The following SHOX variants were observed in gnomAD, a reference collection of about 807,000 sequenced individuals.
SHOX encodes short stature homeobox protein.
SHOX carries 12 observed loss-of-function variants against 29.6 expected under a neutral mutation model. That is an observed-to-expected ratio of 0.41 (90% CI 0.26 to 0.66). SHOX has a LOEUF of 0.66. Among genes scored for constraint, SHOX ranks in the 30% least tolerant of loss-of-function variants. The probability of loss-of-function intolerance (pLI) is 0.35; values close to 1 mark genes in which losing one functional copy is unlikely to be tolerated. For missense variants in SHOX, 499 were observed against 437.7 expected (o/e 1.14, Z -1.25); for synonymous variants, 214 against 200.6 (o/e 1.07, Z -0.57).
At chrX:632,915 G>T (rs2052676280) in intron 1 of SHOX, among the ~76,000 whole-genome samples, 1 of 152,114 alleles carries the variant, frequency 6.6e-6, no homozygotes, top group African/African-American at 2.4e-5. Flanking sequence ...GTTGTCCTTC[G>T]CAGACACCGT....
At chrX:654,713 T>C (rs28527419), downstream of SHOX, among the ~76,000 whole-genome samples, 15,721 of 151,996 alleles carry the variant, frequency 0.1, 918 homozygotes, top group African/African-American at 0.15. Flanking sequence ...TGAGACAGAG[T>C]CTCGCTCTGT....
At chrX:643,918 G>GGA (rs1205954573) in intron 4 of SHOX, among the ~76,000 whole-genome samples, 5 of 149,666 alleles carry the variant, frequency 3.3e-5, no homozygotes, top group Non-Finnish European at 7.4e-5. Flanking sequence ...AGGTGACCTT[G>GGA]GAGAGGCTTG....
chrX:631,954 C>T (rs1300022795), intron 1 of SHOX: 6 of 455,990 alleles, frequency 1.3e-5, no homozygotes, highest in East Asian at 6.9e-5. Context: ...CCTGCCGGGC[C>T]CCCGGAGATC....
In SHOX at chrX:624,897, TCTTTCTCTCTTC is replaced by T. The variant is rs1399289763; in HGVS notation, c.-433+302_-433+313del. On this transcript the variant is annotated intron_variant, in intron 1 of 5. Coordinates refer to the SHOX transcript ENST00000334060. ...TTCTTTCTTTCTTTCTTTCTTTCTT[TCTTTCTCTCTTC>T]CTTTCTTTCTTTCTTTCTTTCTTTT... Among the ~76,000 whole-genome samples the T allele has an allele frequency of 7.7e-4, 55 of 71,056 alleles. 1 individual carries two copies. The highest frequency in any genetic ancestry group is 4.0e-3 in the African/African-American group (52 of 12,946). The allele number at this position is 71,056 out of a possible 152,430, so 46.6% of individuals were successfully genotyped here.
At chrX:643,606 G>A (rs1409460391) in intron 4 of SHOX, among the ~76,000 whole-genome samples, 1 of 142,492 alleles carries the variant, frequency 7.0e-6, no homozygotes, top group Non-Finnish European at 1.5e-5. Context: ...TTGGGGACCT[G>A]GTGTCCTGGG....
upstream of SHOX, among the ~76,000 whole-genome samples, chrX:626,453 C>A (rs1363693805): frequency 7.7e-6 from 1 of 130,590 alleles, no homozygotes; most frequent in Non-Finnish European, 1.6e-5. Context: ...TTTTCTCTTT[C>A]TCTGTATCTC....
Position 631,190 on chromosome X carries a change from CT to C in SHOX, c.277+17del, listed in dbSNP as rs1379283087. 1 of 1,612,286 alleles carries C rather than the reference CT, an allele frequency of 6.2e-7. No homozygotes were observed. The highest frequency in any genetic ancestry group is 1.7e-5 in the Admixed American group (1 of 60,014). ...GTGGCAGAAGGTAAGTTCCTTTGCG[CT>C]CCGGCTCCAGGGGGGCCCTCCTGGG... On this transcript the variant is annotated intron_variant, in intron 1 of 4. Coordinates refer to ENST00000686671, the MANE Select transcript of SHOX (RefSeq NM_000451.4).
chrX:645,801 G>C lies in SHOX; in HGVS notation c.*1165G>C, dbSNP rs1408861854. 6.6e-6 allele frequency: 1 copy of C among 152,266 alleles called. No homozygotes were observed. The highest frequency in any genetic ancestry group is 1.5e-5 in the Non-Finnish European group (1 of 68,062). 9.4% of individuals were successfully genotyped at this position (152,266 alleles called of 1,614,324 possible). A position where few individuals can be genotyped will look rare whatever the true frequency, so the allele number is the denominator to read the frequency against. On this transcript the variant is annotated 3_prime_UTR_variant, in exon 5 of 5. Transcript: ENST00000686671. ...GGTTGGGAAGCGTAAAAGCCAGGGA[G>C]AGATCCAGAGAGTTTTCAAGTTTTT...
intron 2 of SHOX, among the ~76,000 whole-genome samples, chrX:636,232 T>C (rs1159094439): frequency 6.9e-6 from 1 of 145,926 alleles, no homozygotes; most frequent in Non-Finnish European, 1.5e-5. Context: ...ATATAATATA[T>C]AAATCTATAA....
In SHOX at chrX:650,791, TTAAA is replaced by T. The variant is rs2053043427; in HGVS notation, c.*6156_*6159del. On this transcript the variant is annotated 3_prime_UTR_variant, in exon 5 of 5. Transcript: ENST00000686671. ...AGGCTTTCGGTGGACACGTTTGACA[TTAAA>T]AAAAAAAAAAAAAAAAAAAAAAAAC... Among the ~76,000 whole-genome samples, 1 of 29,878 alleles carries T rather than the reference TTAAA, an allele frequency of 3.3e-5. No homozygotes were observed. Among genetic ancestry groups the T allele is most frequent in the Non-Finnish European group, 7.2e-5 (1 of 13,872 alleles). 19.6% of individuals were successfully genotyped at this position (29,878 alleles called of 152,430 possible). A position where few individuals can be genotyped will look rare whatever the true frequency, so the allele number is the denominator to read the frequency against.
At chrX:643,908 A>T (rs372672615) in intron 4 of SHOX, among the ~76,000 whole-genome samples, 11 of 120,746 alleles carry the variant, frequency 9.1e-5, no homozygotes, top group African/African-American at 1.7e-4. Flanking sequence ...CTTGGGGACC[A>T]GGTGACCTTG....
Position 624,902 on chromosome X carries a change from CTCTCTTCCTTT to C in SHOX, c.-433+301_-433+311del, listed in dbSNP as rs1569491696. On this transcript the variant is annotated intron_variant, in intron 1 of 5. Transcript: ENST00000334060. ...TCTTTCTTTCTTTCTTTCTTTCTTT[CTCTCTTCCTTT>C]CTTTCTTTCTTTCTTTCTTTTCTTT... Among the ~76,000 whole-genome samples, 187 of 55,698 alleles carry C rather than the reference CTCTCTTCCTTT, an allele frequency of 3.4e-3. 5 individuals are homozygous for C. Among genetic ancestry groups the C allele is most frequent in the Middle Eastern group, 0.011 (1 of 92 alleles). 36.5% of individuals were successfully genotyped at this position (55,698 alleles called of 152,430 possible).
downstream of SHOX, among the ~76,000 whole-genome samples, chrX:654,991 G>A (rs1041101297): frequency 2.0e-5 from 3 of 151,894 alleles, no homozygotes; most frequent in African/African-American, 7.2e-5. Flanking sequence ...CCTGGCCCAG[G>A]AGGATTATTT....
rs1455736421 is a variant in SHOX at position 650,916 on chromosome X, T to C, written c.*6280T>C. On this transcript the variant is annotated 3_prime_UTR_variant, in exon 5 of 5. Transcript: ENST00000686671. The stretch of plus-strand genomic sequence containing the variant: ...GTTGATGCCATTTATAAATGTTTTA[T>C]TGAAATTTGATATTTAATGAGAAGC... 6.6e-6 allele frequency among the ~76,000 whole-genome samples: 1 copy of C among 151,930 alleles called. No homozygotes were observed. The highest frequency in any genetic ancestry group is 1.5e-5 in the Non-Finnish European group (1 of 67,996).
In SHOX at chrX:644,661, C is replaced by G; in HGVS notation, c.*25C>G. Reference sequence around the variant, plus strand: ...ACCCGCCGCGCAGCCCCCCGCGCGCCCGGACTCCCGGGCTCCGCGCACCCC... The same window carrying G: ...ACCCGCCGCGCAGCCCCCCGCGCGCGCGGACTCCCGGGCTCCGCGCACCCC... On this transcript the variant is annotated 3_prime_UTR_variant, in exon 5 of 5. Transcript: ENST00000686671. The G allele has an allele frequency of 7.0e-7, 1 of 1,427,644 alleles. No individual in the cohort carries two copies. Among genetic ancestry groups the G allele is most frequent in the Non-Finnish European group, 9.1e-7 (1 of 1,100,518 alleles). The allele number at this position is 1,427,644 out of a possible 1,614,324, so 88.4% of individuals were successfully genotyped here.
downstream of SHOX, among the ~76,000 whole-genome samples, chrX:655,801 C>T (rs185024621): frequency 4.1e-4 from 63 of 152,032 alleles, no homozygotes; most frequent in South Asian, 9.6e-3. Flanking sequence ...AGCTGCAGTG[C>T]GTTTGCCGTG....
At chrX:626,809 CTCTT>C (rs770550263), upstream of SHOX, among the ~76,000 whole-genome samples, 730 of 148,704 alleles carry the variant, frequency 4.9e-3, 8 homozygotes, top group African/African-American at 0.018. Context: ...ATCTCTGTCT[CTCTT>C]TCTCTCTCTC....
chrX:630,702 C>T (rs886074305), upstream of SHOX: 2 of 672,316 alleles, frequency 3.0e-6, no homozygotes, highest in Non-Finnish European at 5.1e-6. Context: ...CCGCGGAGCC[C>T]GGAGACCAGT....
chrX:653,207 C>T (rs1382790641), downstream of SHOX, among the ~76,000 whole-genome samples: 1 of 152,126 alleles, frequency 6.6e-6, no homozygotes, highest in Non-Finnish European at 1.5e-5. Context: ...CGCCATTGCA[C>T]TCCAGCCTGG....
Sources: gnomAD v4.1 joint callset for allele counts (sites outside exome capture counted in the v4.1 genomes callset) on GRCh38, gnomAD v4.1.1 for gene constraint, MANE v1.5 for transcripts, NCBI Gene and HGNC (gene_info 2026-07-23, HGNC 2026-07-21) for gene names.